Variants in DDX3X observed in about 807,000 individuals in gnomAD.
The protein encoded by DDX3X is DEAD-box helicase 3 X-linked.
A neutral mutation model predicts 52.7 loss-of-function variants in DDX3X; 4 were observed. That is an observed-to-expected ratio of 0.08 (90% CI 0.04 to 0.17). DDX3X has a LOEUF of 0.17. Ranked by LOEUF, DDX3X falls within the 10% of genes least tolerant of loss-of-function variation. The pLI, the probability that DDX3X is intolerant of heterozygous loss-of-function variation, is 1.00. For missense variants in DDX3X, 222 were observed against 548.6 expected (o/e 0.40, Z 5.95); for synonymous variants, 192 against 178.1 (o/e 1.08, Z -0.62).
rs887951133 is a variant in DDX3X, at chrX:41,346,996, C to T, written c.1753C>T (p.Arg585Cys). Reference sequence around the variant, plus strand: ...TGAACACCACTACAAGGGTAGCAGTCGTGGACGTTCTAAGAGGTGAGGTAT... The same window carrying T: ...TGAACACCACTACAAGGGTAGCAGTTGTGGACGTTCTAAGAGGTGAGGTAT... The part of the protein sequence containing the change: ...AYEHHYKGSS[R>C]GRSKSSRFSG... The change falls in exon 15 of 17, where the codon CGT (arginine) becomes TGT (cysteine). Residue 585 changes from arginine to cysteine, a missense_variant. Physicochemically the swap from Arg to Cys is radical, Grantham distance 180. Around this residue, in one of 5 missense-constraint regions of DDX3X, gnomAD observed 18 missense variants for 45.3 expected, o/e 0.40. Coordinates refer to ENST00000644876, the MANE Select transcript of DDX3X (RefSeq NM_001356.5). 4 of 1,208,105 alleles carry T rather than the reference C, an allele frequency of 3.3e-6. No individual in the cohort carries two copies. The highest frequency in any genetic ancestry group is 4.5e-6 in the Non-Finnish European group (4 of 893,816).
rs1218617373 is a variant in DDX3X at position 41,348,880 on chromosome X, A to C, written c.*1161A>C. On this transcript the variant is annotated 3_prime_UTR_variant, in exon 17 of 17. Coordinates refer to ENST00000644876, the MANE Select transcript of DDX3X (RefSeq NM_001356.5). ...AACAAACTGAAATCTTTGAGATCAC[A>C]CAGGTTGGAAATATGTACATAACTG... 8.9e-6 allele frequency: 1 copy of C among 112,783 alleles called. No homozygotes were observed. Among genetic ancestry groups the C allele is most frequent in the Non-Finnish European group, 1.9e-5 (1 of 53,325 alleles). 9.3% of individuals were successfully genotyped at this position (112,783 alleles called of 1,213,427 possible).
chrX:41,337,335 A>G, intron 1 of DDX3X, 73 bp from the exon 2 acceptor site: 4 of 937,025 alleles, frequency 4.3e-6, no homozygotes, highest in Non-Finnish European at 4.6e-6. Context: ...AGCAAATGCT[A>G]GAGGGCAGGA....
chrX:41,355,424 C>G (rs1281589417), intron 5 of DDX3X, among the ~76,000 whole-genome samples: 1 of 110,698 alleles, frequency 9.0e-6, no homozygotes, highest in Non-Finnish European at 1.9e-5. Context: ...AGGACAGATC[C>G]AATTTCTCTG....
At chrX:41,354,344 CT>C (rs60965317), downstream of DDX3X, among the ~76,000 whole-genome samples, 242 of 69,890 alleles carry the variant, frequency 3.5e-3, 8 homozygotes, top group East Asian at 0.063. Flanking sequence ...TGTGCTACCT[CT>C]TTTTTTTTTT....
At chrX:41,343,483 T>C in intron 7 of DDX3X, 132 bp downstream of exon 7, 1 of 597,591 alleles carries the variant, frequency 1.7e-6, no homozygotes, top group Non-Finnish European at 2.5e-6. Flanking sequence ...AAAGAAGCCA[T>C]AGATGATACA....
chrX:41,342,936 G>A (rs2063870474), intron 6 of DDX3X, 100 bp downstream of exon 6: 1 of 697,857 alleles, frequency 1.4e-6, no homozygotes, highest in East Asian at 3.4e-5. Flanking sequence ...GTAGACCAGA[G>A]GCTTCATAGA....
Position 41,345,415 on chromosome X carries a change from T to C in DDX3X, c.1182T>C (p.Arg394=). 8.3e-7 allele frequency: 1 copy of C among 1,202,793 alleles called. No individual in the cohort carries two copies. Among genetic ancestry groups the C allele is most frequent in the Non-Finnish European group, 1.1e-6 (1 of 892,849 alleles). The part of the protein sequence containing the change: ...TFPKEIQMLA[R]DFLDEYIFLA... ...TTTTTTTCTTTCAGATGCTGGCTCG[T>C]GATTTCTTAGATGAATATATCTTCT... The change falls in exon 12 of 17, where the codon CGT becomes CGC. Residue 394 remains arginine (R), a synonymous_variant. Transcript: ENST00000644876.
At chrX:41,357,023 T>C (rs754873292) in intron 5 of DDX3X, among the ~76,000 whole-genome samples, 1 of 98,453 alleles carries the variant, frequency 1.0e-5, no homozygotes, top group South Asian at 5.1e-4. Context: ...AACCTGTACC[T>C]CCTGGGTTCA....
intron 12 of DDX3X, 83 bp downstream of exon 12, chrX:41,345,631 T>G: frequency 1.2e-6 from 1 of 832,421 alleles, no homozygotes; most frequent in Non-Finnish European, 1.7e-6. Flanking sequence ...TATTCACAGG[T>G]GTGATCTCAT....
rs1401119888 is a variant in DDX3X, at chrX:41,341,551, A to G, written c.219A>G (p.Gly73=). The part of the protein sequence containing the change: ...SKDKDAYSSF[G]SRSDSRGKSS... The stretch of plus-strand genomic sequence containing the variant: ...ATAAGGATGCGTATAGCAGTTTTGG[A>G]TCTCGTAGTGATTCAAGAGGGAAGT... The change falls in exon 4 of 17, where the codon GGA becomes GGG. Residue 73 remains glycine (G), a synonymous_variant. Transcript: ENST00000644876. 8.3e-7 allele frequency: 1 copy of G among 1,209,266 alleles called. No homozygotes were observed. Among genetic ancestry groups the G allele is most frequent in the Non-Finnish European group, 1.1e-6 (1 of 893,182 alleles).
At chrX:41,360,434 C>CTTGT (rs1033605787) in intron 5 of DDX3X, among the ~76,000 whole-genome samples, 11 of 106,461 alleles carry the variant, frequency 1.0e-4, no homozygotes, top group Admixed American at 2.0e-4. Flanking sequence ...ATGGAGTGCT[C>CTTGT]TTGTTTGTTT....
At chrX:41,357,476 T>C (rs1220009030) in intron 5 of DDX3X, among the ~76,000 whole-genome samples, 2 of 111,295 alleles carry the variant, frequency 1.8e-5, no homozygotes, top group African/African-American at 6.5e-5. Context: ...TCCAAAACTT[T>C]TTTATTTTTA....
intron 1 of DDX3X, chrX:41,335,390 A>G (rs749291653): frequency 1.8e-5 from 2 of 109,887 alleles, no homozygotes; most frequent in Admixed American, 9.7e-5. Context: ...GAATCTTGCA[A>G]TGGGTCCCAG....
intron 3 of DDX3X, 147 bp downstream of exon 3, chrX:41,339,230 TTAA>T (rs2063813464): frequency 7.7e-6 from 2 of 259,702 alleles, no homozygotes; most frequent in Non-Finnish European, 1.4e-5. Context: ...ATACTAGAGC[TTAA>T]TAATTTTGGA....
At chrX:41,362,364 C>T (rs1260921673) in intron 5 of DDX3X, among the ~76,000 whole-genome samples, 1 of 111,358 alleles carries the variant, frequency 9.0e-6, no homozygotes, top group Non-Finnish European at 1.9e-5. Context: ...GCTGGGATTA[C>T]AGATGTGAGC....
chrX:41,347,351 A>G lies in DDX3X; in HGVS notation c.1809A>G (p.Arg603=), dbSNP rs2063939994. ...GAGGGTTTGGTGCCAGAGACTACCG[A>G]CAAAGTAGCGGTGCCAGCAGTTCCA... ...FSGGFGARDY[R]QSSGASSSSF... is the part of the protein sequence containing the mutation. The change falls in exon 16 of 17, where the codon CGA becomes CGG. Residue 603 remains arginine, a synonymous_variant. Transcript: ENST00000644876. The G allele has an allele frequency of 8.3e-7, 1 of 1,211,616 alleles. No homozygotes were observed. The highest frequency in any genetic ancestry group is 2.2e-5 in the Admixed American group (1 of 46,034).
At position 41,337,589 on chromosome X, in the gene DDX3X, C is replaced by G; in HGVS notation, c.103+124C>G. The G allele has an allele frequency of 6.0e-6, 3 of 502,383 alleles. No individual in the cohort carries two copies. The South Asian group carries it at 1.0e-4, about 17-fold the overall frequency. 41.4% of individuals were successfully genotyped at this position (502,383 alleles called of 1,213,427 possible). A position where few individuals can be genotyped will look rare whatever the true frequency, so the allele number is the denominator to read the frequency against. On this transcript the variant is annotated intron_variant, in intron 2 of 16. Transcript: ENST00000644876. ...TTTACTGCTTAAAGAATTATGTAGT[C>G]TTTGTGTTATAGAATTATGTAGTAC...
chrX:41,346,806 A>T, intron 14 of DDX3X, 53 bp from the exon 15 acceptor site: 1 of 1,085,501 alleles, frequency 9.2e-7, no homozygotes, highest in South Asian at 2.1e-5. Context: ...GAATAGTAGC[A>T]AGTTACTTTA....
chrX:41,342,701 G>A (rs889260528), intron 5 of DDX3X, 36 bp from the exon 6 acceptor site: 5 of 1,208,558 alleles, frequency 4.1e-6, no homozygotes, highest in Non-Finnish European at 5.6e-6. Flanking sequence ...TTACTAGCTA[G>A]TATAACAAAT....
Sources: gnomAD v4.1 joint callset for allele counts (sites outside exome capture counted in the v4.1 genomes callset) on GRCh38, gnomAD v4.1.1 for gene constraint, gnomAD v4.1.1 regional missense constraint, MANE v1.5 for transcripts, NCBI Gene and HGNC (gene_info 2026-07-23, HGNC 2026-07-21) for gene names.